S1PR5: variants seen among roughly 807,000 people sequenced by gnomAD.
S1PR5 encodes the protein sphingosine-1-phosphate receptor 5.
For missense variants in S1PR5, 583 were observed against 571.7 expected, an observed-to-expected ratio of 1.02 and a Z score of -0.20; for synonymous variants, 307 against 284.7, an observed-to-expected ratio of 1.08 and a Z score of -0.79.
At chr19:10,516,612 A>AC (rs1418951384) in intron 1 of S1PR5, among the ~76,000 whole-genome samples, 2 of 146,908 alleles carry the variant, frequency 1.4e-5, no homozygotes, top group Admixed American at 1.3e-4. Context: ...CGTCTCAAAA[A>AC]AAAAAAAAAA....
rs1280059199 is a variant in S1PR5, at chr19:10,513,264, C to G, written c.*551G>C. On this transcript the variant is annotated 3_prime_UTR_variant, in exon 2 of 2. Coordinates refer to ENST00000333430, the MANE Select transcript of S1PR5 (RefSeq NM_030760.5). Reference sequence around the variant, plus strand: ...AAGTCCCTCTTCTGCTTAGAAGCTTCTATGGCTCCCACCTCACTCAGAGCA... The same window carrying G: ...AAGTCCCTCTTCTGCTTAGAAGCTTGTATGGCTCCCACCTCACTCAGAGCA... 2 of 215,532 alleles carry G rather than the reference C, an allele frequency of 9.3e-6. No individual in the cohort carries two copies. Among genetic ancestry groups the G allele is most frequent in the Non-Finnish European group, 1.8e-5 (2 of 109,826 alleles). The allele number at this position is 215,532 out of a possible 1,614,324, so 13.4% of individuals were successfully genotyped here.
rs369192797 is a variant in S1PR5, at chr19:10,514,913, A to G, written c.99T>C (p.Gly33=). The G allele has an allele frequency of 3.7e-6, 6 of 1,610,486 alleles. No homozygotes were observed. The highest frequency in any genetic ancestry group is 2.7e-5 in the African/African-American group (2 of 74,848). The part of the protein sequence containing the change: ...GKLRGARYQP[G]AGLRADAVVC... ...CCACGGCGTCGGCGCGCAGGCCGGCACCCGGCTGGTAGCGCGCACCGCGGA... is the reference window on the plus strand; with the variant it reads ...CCACGGCGTCGGCGCGCAGGCCGGCGCCCGGCTGGTAGCGCGCACCGCGGA... The change falls in exon 2 of 2, where the codon GGT becomes GGC. Residue 33 remains glycine (G), a synonymous_variant. Coordinates refer to ENST00000333430, the MANE Select transcript of S1PR5 (RefSeq NM_030760.5).
upstream of S1PR5, chr19:10,517,516 C>G: frequency 1.0e-6 from 1 of 985,540 alleles, no homozygotes; most frequent in Non-Finnish European, 1.2e-6. Context: ...ACGCAAAGGG[C>G]CGGCGGTCGC....
In S1PR5 at chr19:10,514,722, C is replaced by T. The variant is rs1915387011; in HGVS notation, c.290G>A (p.Gly97Glu). Reference sequence around the variant, plus strand: ...GGGGGACAGTTTCAGCGTGAGCGGCCCCGACAGTAGGATGTTGGCGGCGTA... The same window carrying T: ...GGGGGACAGTTTCAGCGTGAGCGGCTCCGACAGTAGGATGTTGGCGGCGTA... ...AAYAANILLS[G>E]PLTLKLSPAL... The change falls in exon 2 of 2, where the codon GGG (glycine) becomes GAG (glutamate). Residue 97 changes from glycine to glutamate, a missense_variant. Transcript: ENST00000333430. 1 of 1,611,326 alleles carries T rather than the reference C, an allele frequency of 6.2e-7. No homozygotes were observed. The highest frequency in any genetic ancestry group is 1.7e-5 in the Admixed American group (1 of 59,728).
intron 1 of S1PR5, among the ~76,000 whole-genome samples, chr19:10,516,606 T>C (rs1242071232): frequency 3.3e-5 from 1 of 30,586 alleles, no homozygotes; most frequent in Non-Finnish European, 6.8e-5. Context: ...AAACTCCGTC[T>C]CAAAAAAAAA....
At chr19:10,515,099 C>T in intron 1 of S1PR5, 70 bp from the exon 2 acceptor site, 1 of 1,499,720 alleles carries the variant, frequency 6.7e-7, no homozygotes, top group Non-Finnish European at 8.8e-7. Context: ...CCGGCTAAGT[C>T]GTGGGAAAGG....
rs768031173 is a variant in S1PR5, at chr19:10,514,891, C to G, written c.121G>C (p.Val41Leu). Residue 41 changes from valine to leucine, a missense_variant, in exon 2 of 2, where the codon GTG (valine) becomes CTG (leucine). Coordinates refer to ENST00000333430, the MANE Select transcript of S1PR5 (RefSeq NM_030760.5). ...QPGAGLRADA[V>L]VCLAVCAFIV... ...AAGGCGCACACCGCCAGGCACACCACGGCGTCGGCGCGCAGGCCGGCACCC... is the reference window on the plus strand; with the variant it reads ...AAGGCGCACACCGCCAGGCACACCAGGGCGTCGGCGCGCAGGCCGGCACCC... The G allele has an allele frequency of 8.7e-6, 14 of 1,611,666 alleles. No individual in the cohort carries two copies. In the Admixed American group the frequency reaches 2.3e-4, roughly 27 times the overall value.
chr19:10,515,041 G>A lies in S1PR5; in HGVS notation c.-18-12C>T. 6.6e-7 allele frequency: 1 copy of A among 1,519,602 alleles called. No individual in the cohort carries two copies. The highest frequency in any genetic ancestry group is 8.8e-7 in the Non-Finnish European group (1 of 1,141,724). The allele number at this position is 1,519,602 out of a possible 1,614,324, so 94.1% of individuals were successfully genotyped here. The stretch of plus-strand genomic sequence containing the variant: ...CGCGCGCCCCAAGGCTGTTGGAGAG[G>A]CAAGATACGGTGTCAGGCCGCGGTC... On this transcript the variant is annotated splice_polypyrimidine_tract_variant and intron_variant, in intron 1 of 1. Coordinates refer to ENST00000333430, the MANE Select transcript of S1PR5 (RefSeq NM_030760.5).
At chr19:10,515,348 C>T (rs1915412626) in intron 1 of S1PR5, among the ~76,000 whole-genome samples, 1 of 151,910 alleles carries the variant, frequency 6.6e-6, no homozygotes, top group African/African-American at 2.4e-5. Context: ...CAGGCTCAGG[C>T]CTGAGGCAGT....
At chr19:10,515,646 G>T in intron 1 of S1PR5, among the ~76,000 whole-genome samples, 1 of 152,010 alleles carries the variant, frequency 6.6e-6, no homozygotes, top group Middle Eastern at 3.4e-3. Flanking sequence ...ACACACACAC[G>T]GCTGGGTGTG....
At chr19:10,517,740 C>T, upstream of S1PR5, 9 of 978,592 alleles carry the variant, frequency 9.2e-6, no homozygotes, top group Non-Finnish European at 1.1e-5. Context: ...GCAGGGCGGT[C>T]GCAGCCTGAG....
rs1215348638 is a variant in S1PR5, at chr19:10,514,098, A to C, written c.914T>G (p.Ile305Ser). The stretch of plus-strand genomic sequence containing the variant: ...CAGGTCGCGGTTGGTGAGCGTGTAG[A>C]TGATGGGGTTCAGAAGTGAGTTGGC... ...AMANSLLNPI[I>S]YTLTNRDLRH... Residue 305 changes from isoleucine to serine, a missense_variant, in exon 2 of 2, where the codon ATC becomes AGC. Ile to Ser is a moderately radical substitution (Grantham distance 142). Transcript: ENST00000333430. 6.2e-7 allele frequency: 1 copy of C among 1,612,942 alleles called. No homozygotes were observed. The highest frequency in any genetic ancestry group is 8.5e-7 in the Non-Finnish European group (1 of 1,179,824).
chr19:10,516,191 A>G (rs984100199), intron 1 of S1PR5, among the ~76,000 whole-genome samples: 3 of 152,110 alleles, frequency 2.0e-5, no homozygotes, highest in African/African-American at 2.4e-5. Flanking sequence ...ACAGGCCACA[A>G]TTTCACAACC....
intron 1 of S1PR5, among the ~76,000 whole-genome samples, chr19:10,515,488 C>CCACG: frequency 6.6e-6 from 1 of 152,262 alleles, no homozygotes; most frequent in South Asian, 2.1e-4. Context: ...TGGCACGTGC[C>CCACG]TGTAGTCCCA....
At position 10,514,710 on chromosome 19, in the gene S1PR5, A is replaced by T. The variant is rs1915386244; in HGVS notation, c.302T>A (p.Leu101Gln). Residue 101 changes from leucine (L) to glutamine (Q), a missense_variant, in exon 2 of 2, where the codon CTG (leucine) becomes CAG (glutamine). Leu to Gln is a moderately radical substitution (Grantham distance 113, BLOSUM62 -2). Coordinates refer to ENST00000333430, the MANE Select transcript of S1PR5 (RefSeq NM_030760.5). ...ANILLSGPLT[L>Q]KLSPALWFAR... ...GAACCAGAGCGCGGGGGACAGTTTC[A>T]GCGTGAGCGGCCCCGACAGTAGGAT... 1.2e-6 allele frequency: 2 copies of T among 1,610,640 alleles called. No individual in the cohort carries two copies. The highest frequency in any genetic ancestry group is 2.7e-5 in the African/African-American group (2 of 74,892).
At chr19:10,517,494 G>A, upstream of S1PR5, 1 of 985,632 alleles carries the variant, frequency 1.0e-6, no homozygotes, top group South Asian at 4.7e-5. Flanking sequence ...CAGGCGAGGG[G>A]GCGGGCCAGC....
upstream of S1PR5, chr19:10,517,459 G>C (rs1340949332): frequency 1.0e-6 from 1 of 985,488 alleles, no homozygotes; most frequent in Non-Finnish European, 1.2e-6. Flanking sequence ...AGCGGACGCC[G>C]CTCCGGGGGC....
rs1568406492 is a variant in S1PR5, at chr19:10,514,459, CAG to C, written c.551_552del (p.Thr184SerfsTer159). ...TAGGCCTTGGCGTAGAGCGGCAAGA[CAG>C]TGGAGCAAGCGTCCAGGCGACCCAG... The part of the protein sequence containing the change: ...NCLGRLDACS[T>X]VLPLYAKAYV... On this transcript the variant is annotated frameshift_variant, in exon 2 of 2. Coordinates refer to ENST00000333430, the MANE Select transcript of S1PR5 (RefSeq NM_030760.5). LOFTEE classifies it low-confidence loss of function (END_TRUNC). 6.8e-6 allele frequency: 11 copies of C among 1,609,130 alleles called. No homozygotes were observed. Among genetic ancestry groups the C allele is most frequent in the Non-Finnish European group, 9.3e-6 (11 of 1,178,266 alleles).
intron 1 of S1PR5, among the ~76,000 whole-genome samples, chr19:10,516,512 C>T (rs1915440796): frequency 2.7e-5 from 4 of 145,904 alleles, no homozygotes; most frequent in Admixed American, 1.5e-4. Context: ...GAGACTGAGG[C>T]GGGAGGATCA....
Sources: gnomAD v4.1 joint callset for allele counts (sites outside exome capture counted in the v4.1 genomes callset) on GRCh38, gnomAD v4.1.1 for gene constraint, MANE v1.5 for transcripts, NCBI Gene and HGNC (gene_info 2026-07-23, HGNC 2026-07-21) for gene names.